ZFYVE28: variants seen among roughly 807,000 people sequenced by gnomAD.
ZFYVE28 encodes the protein lateral signaling target protein 2 homolog.
In ZFYVE28, 40 loss-of-function variants were observed where a neutral mutation model predicts 82.1. The observed-to-expected ratio is 0.49, with a 90% CI of 0.38 to 0.63. The LOEUF (loss-of-function observed/expected upper bound fraction) is 0.63. ZFYVE28 is among the 30% of genes least tolerant of loss of function. The probability of loss-of-function intolerance (pLI) is 0.00; values close to 1 mark genes in which losing one functional copy is unlikely to be tolerated. For missense variants in ZFYVE28, 1,321 were observed against 1,242.1 expected (o/e 1.06, Z -0.96); for synonymous variants, 612 against 546.1 (o/e 1.12, Z -1.68).
At chr4:2,330,963 C>A (rs1254369739) in intron 6 of ZFYVE28, 4 of 1,534,910 alleles carry the variant, frequency 2.6e-6, no homozygotes, top group Middle Eastern at 1.7e-4. Flanking sequence ...TGGGTGAGGG[C>A]CCCTGAAGAG....
At chr4:2,290,883 G>A (rs1334655619) in intron 8 of ZFYVE28, among the ~76,000 whole-genome samples, 1 of 152,232 alleles carries the variant, frequency 6.6e-6, no homozygotes, top group Non-Finnish European at 1.5e-5. Context: ...ACACAGTGAA[G>A]CCCAGGCCTA....
intron 1 of ZFYVE28, among the ~76,000 whole-genome samples, chr4:2,357,227 G>T (rs1031176093): frequency 2.6e-5 from 4 of 152,152 alleles, no homozygotes; most frequent in Non-Finnish European, 4.4e-5. Context: ...TTGCTTATGG[G>T]GTGACCGCCA....
At chr4:2,399,509 G>A (rs569201850) in intron 1 of ZFYVE28, among the ~76,000 whole-genome samples, 32 of 152,324 alleles carry the variant, frequency 2.1e-4, no homozygotes, top group Admixed American at 9.1e-4. Flanking sequence ...CAGGAAGGCC[G>A]GGGCCTCTGA....
chr4:2,303,628 A>G (rs1715968071), intron 8 of ZFYVE28, among the ~76,000 whole-genome samples: 1 of 152,028 alleles, frequency 6.6e-6, no homozygotes, highest in Non-Finnish European at 1.5e-5. Context: ...CCCTGTCTCC[A>G]GAGTGGGGGA....
intron 8 of ZFYVE28, 48 bp downstream of exon 8, chr4:2,304,241 C>T: frequency 3.3e-6 from 5 of 1,507,778 alleles, no homozygotes; most frequent in Non-Finnish European, 4.4e-6. Context: ...CACCTGCCCC[C>T]CAGTGCAGAG....
chr4:2,336,708 T>C (rs1021966274), intron 5 of ZFYVE28, among the ~76,000 whole-genome samples: 1 of 139,322 alleles, frequency 7.2e-6, no homozygotes, highest in African/African-American at 2.8e-5. Flanking sequence ...ATGTGAGAAA[T>C]AAGGAGCTAA....
At chr4:2,313,983 A>T (rs1412862165) in intron 7 of ZFYVE28, among the ~76,000 whole-genome samples, 1 of 152,144 alleles carries the variant, frequency 6.6e-6, no homozygotes, top group Non-Finnish European at 1.5e-5. Context: ...TAGTTCCATC[A>T]GTTATAGAGA....
At position 2,284,807 on chromosome 4, in the gene ZFYVE28, C is replaced by T. The variant is rs553209988; in HGVS notation, c.2052-10591G>A. 3.3e-5 allele frequency among the ~76,000 whole-genome samples: 5 copies of T among 152,306 alleles called. 1 individual carries two copies. The South Asian group carries it at 1.0e-3, about 32-fold the overall frequency. ...CGGCTCTGGAACTGTCTGCCAAAGT[C>T]GTACCAGCTCAGCTCAGGCCACAGC... On this transcript the variant is annotated intron_variant, in intron 8 of 12. Coordinates refer to ENST00000290974, the MANE Select transcript of ZFYVE28 (RefSeq NM_020972.3).
chr4:2,312,032 C>A (rs1717536277), intron 7 of ZFYVE28, among the ~76,000 whole-genome samples: 1 of 152,152 alleles, frequency 6.6e-6, no homozygotes, highest in Admixed American at 6.5e-5. Flanking sequence ...TAATTGGAAT[C>A]AATACAAAAA....
At chr4:2,282,475 G>C (rs945102814) in intron 8 of ZFYVE28, among the ~76,000 whole-genome samples, 8 of 152,326 alleles carry the variant, frequency 5.3e-5, no homozygotes, top group African/African-American at 1.9e-4. Flanking sequence ...AAAGTGGTGA[G>C]GGGAGCCTCT....
In ZFYVE28 at chr4:2,408,571, C is replaced by T. The variant is rs990804971; in HGVS notation, c.39+9714G>A. On this transcript the variant is annotated intron_variant, in intron 1 of 12. Transcript: ENST00000290974. This position sits in a 1 kb window ranked among gnomAD's most constrained non-coding sequence, Gnocchi z 4.3. ...GGCTGACCCTTCCCAACTGAAGCTC[C>T]GCCCAGTTGGGCCCCGCCCAGGTAA... 3.3e-5 allele frequency among the ~76,000 whole-genome samples: 5 copies of T among 152,212 alleles called. No individual in the cohort carries two copies. Among genetic ancestry groups the T allele is most frequent in the African/African-American group, 7.2e-5 (3 of 41,444 alleles).
Position 2,320,570 on chromosome 4 carries a change from G to A in ZFYVE28, c.702-299C>T, listed in dbSNP as rs1487864987. Among the ~76,000 whole-genome samples the A allele has an allele frequency of 1.3e-5, 2 of 152,226 alleles. No individual in the cohort carries two copies. The highest frequency in any genetic ancestry group is 2.9e-5 in the Non-Finnish European group (2 of 68,034). On this transcript the variant is annotated intron_variant, in intron 6 of 12. Transcript: ENST00000290974. This position sits in a 1 kb window ranked among gnomAD's most constrained non-coding sequence, Gnocchi z 5.1. The stretch of plus-strand genomic sequence containing the variant: ...TCTGCACACATCAGTGCTGCAATCA[G>A]ATAAATTAGCCTCAAGGTTTGTTAC...
rs758796413 is a variant in ZFYVE28, at chr4:2,270,686, TC to T, written c.*38del. 6.8e-6 allele frequency: 11 copies of T among 1,611,346 alleles called. No homozygotes were observed. ...AGCGTGGCCCCACCTTCCTGGGGGT[TC>T]CTGGCCCGGGTGGGTTGGGGCTGCC... On this transcript the variant is annotated 3_prime_UTR_variant, in exon 13 of 13. Coordinates refer to ENST00000290974, the MANE Select transcript of ZFYVE28 (RefSeq NM_020972.3).
At chr4:2,271,040 A>C in intron 12 of ZFYVE28, 184 bp from the exon 13 acceptor site, 1 of 897,144 alleles carries the variant, frequency 1.1e-6, no homozygotes, top group Non-Finnish European at 1.7e-6. Context: ...CACGTCCTGC[A>C]CCAAGGCTGC....
intron 1 of ZFYVE28, among the ~76,000 whole-genome samples, chr4:2,412,917 C>A (rs917589682): frequency 1.3e-5 from 2 of 152,214 alleles, no homozygotes; most frequent in African/African-American, 4.8e-5. Flanking sequence ...CCTCCCCCGT[C>A]TGCCCTGCCT....
intron 2 of ZFYVE28, among the ~76,000 whole-genome samples, chr4:2,347,802 T>C (rs763448523): frequency 2.6e-5 from 4 of 152,006 alleles, no homozygotes; most frequent in Non-Finnish European, 5.9e-5. Flanking sequence ...ACTAAATACC[T>C]AAATTAGAAA....
chr4:2,312,735 AAAAAAAAAAAAAAAAAG>A (rs1181351435), intron 7 of ZFYVE28, among the ~76,000 whole-genome samples: 4 of 149,484 alleles, frequency 2.7e-5, no homozygotes, highest in African/African-American at 9.9e-5. Context: ...TCAAAAAAAA[AAAAAAAAAAAAAAAAAG>A]AAGTGTTTTG....
At chr4:2,361,547 C>A (rs534144940) in intron 1 of ZFYVE28, among the ~76,000 whole-genome samples, 1 of 152,222 alleles carries the variant, frequency 6.6e-6, no homozygotes, top group Non-Finnish European at 1.5e-5. Context: ...CTGGGGCAGG[C>A]CCCAGCCACC....
In ZFYVE28 at chr4:2,269,863, T is replaced by G. The variant is rs1359290535; in HGVS notation, c.*862A>C. 6.6e-6 allele frequency: 1 copy of G among 152,160 alleles called. No individual in the cohort carries two copies. Among genetic ancestry groups the G allele is most frequent in the Non-Finnish European group, 1.5e-5 (1 of 68,042 alleles). 9.4% of individuals were successfully genotyped at this position (152,160 alleles called of 1,614,324 possible). A position where few individuals can be genotyped will look rare whatever the true frequency, so the allele number is the denominator to read the frequency against. On this transcript the variant is annotated 3_prime_UTR_variant, in exon 13 of 13. Coordinates refer to ENST00000290974, the MANE Select transcript of ZFYVE28 (RefSeq NM_020972.3). ...CTGAGGAGGTGTCCGCTGGGGCCAC[T>G]CAGCTGCGGCAGCTTGGGTCCCAGG...
Sources: allele counts gnomAD v4.1 joint callset (sites outside exome capture counted in the v4.1 genomes callset), GRCh38; gene constraint gnomAD v4.1.1; non-coding constraint Gnocchi (gnomAD v3.1); transcripts MANE v1.5; gene names NCBI Gene and HGNC (gene_info 2026-07-23, HGNC 2026-07-21).